GLG1: variants seen among roughly 807,000 people sequenced by gnomAD.
GLG1 encodes golgi glycoprotein 1.
In GLG1, 38 loss-of-function variants were observed where a neutral mutation model predicts 160.5. The ratio of observed to expected loss-of-function variants is 0.24; its 90% CI spans 0.18 to 0.31. The LOEUF is 0.31. Among genes scored for constraint, GLG1 ranks in the 10% least tolerant of loss-of-function variants. The pLI is 1.00. For missense variants in GLG1, 1,373 were observed against 1,505.2 expected, an observed-to-expected ratio of 0.91 and a Z score of 1.45; for synonymous variants, 644 against 543.4, an observed-to-expected ratio of 1.19 and a Z score of -2.57.
intron 10 of GLG1, among the ~76,000 whole-genome samples, chr16:74,481,508 G>A (rs1425764116): frequency 2.0e-5 from 3 of 152,046 alleles, no homozygotes; most frequent in East Asian, 3.8e-4. Context: ...AGGAGAAAAC[G>A]TGATTTTGAT....
chr16:74,473,133 A>G (rs909748437), intron 13 of GLG1, among the ~76,000 whole-genome samples: 20 of 152,202 alleles, frequency 1.3e-4, no homozygotes, highest in African/African-American at 3.4e-4. Flanking sequence ...GCCCCACAAA[A>G]TAACTTTAAC....
At chr16:74,459,472 CAAAGA>C (rs1193150828) in intron 23 of GLG1, among the ~76,000 whole-genome samples, 1 of 151,850 alleles carries the variant, frequency 6.6e-6, no homozygotes, top group Non-Finnish European at 1.5e-5. Context: ...GACTCCGTCT[CAAAGA>C]AAAGAAAAGA....
At chr16:74,519,726 C>A (rs2017099789) in intron 2 of GLG1, among the ~76,000 whole-genome samples, 1 of 152,112 alleles carries the variant, frequency 6.6e-6, no homozygotes. Context: ...CACCCACTCC[C>A]CAGAAGCGGG....
At chr16:74,470,119 T>C (rs1437395580) in intron 15 of GLG1, 46 bp from the exon 16 acceptor site, 1 of 1,125,626 alleles carries the variant, frequency 8.9e-7, no homozygotes, top group East Asian at 2.3e-5. Flanking sequence ...TGGCAACTTG[T>C]GGTCAGTAGT....
intron 1 of GLG1, among the ~76,000 whole-genome samples, chr16:74,541,783 T>G (rs2017873947): frequency 6.6e-6 from 1 of 152,212 alleles, no homozygotes; most frequent in Non-Finnish European, 1.5e-5. Context: ...CATGTTTTAT[T>G]GTATGTGTAT....
rs745898250 is a variant in GLG1, at chr16:74,574,916, C to CAGAG, written c.438+31737_438+31740dup. ...AAAAAAAAAAAAAAAAAAAAAAAGA[C>CAGAG]AGAGAGAGAGAGAGACAGGAGGAAT... On this transcript the variant is annotated intron_variant, in intron 1 of 25. Transcript: ENST00000422840. Among the ~76,000 whole-genome samples, 40 of 49,160 alleles carry CAGAG rather than the reference C, an allele frequency of 8.1e-4. 1 individual carries two copies. In the South Asian group the frequency reaches 0.014, roughly 17 times the overall value. 32.3% of individuals were successfully genotyped at this position (49,160 alleles called of 152,430 possible). A position where few individuals can be genotyped will look rare whatever the true frequency, so the allele number is the denominator to read the frequency against.
At chr16:74,557,233 A>G (rs552486617) in intron 1 of GLG1, among the ~76,000 whole-genome samples, 78 of 152,336 alleles carry the variant, frequency 5.1e-4, no homozygotes, top group African/African-American at 1.8e-3. Context: ...AAATGTTTCT[A>G]TAACTATATA....
At chr16:74,524,213 C>CA (rs199523934) in intron 2 of GLG1, among the ~76,000 whole-genome samples, 2,041 of 149,888 alleles carry the variant, frequency 0.014, 30 homozygotes, top group African/African-American at 0.047. Context: ...CATCTCAAAA[C>CA]AAAAAAAAAG....
intron 4 of GLG1, among the ~76,000 whole-genome samples, 199 bp downstream of exon 4, chr16:74,503,332 T>C (rs1395374893): frequency 2.6e-5 from 4 of 152,160 alleles, no homozygotes; most frequent in African/African-American, 9.7e-5. Flanking sequence ...CTGCTTCCCA[T>C]ACAGTACTGA....
chr16:74,584,557 A>G (rs1463182946), intron 1 of GLG1, among the ~76,000 whole-genome samples: 1 of 152,150 alleles, frequency 6.6e-6, no homozygotes, highest in Non-Finnish European at 1.5e-5. Context: ...AGGCAAAGGC[A>G]TAAGAATGAT....
chr16:74,596,493 C>T (rs1055077877), intron 1 of GLG1, among the ~76,000 whole-genome samples: 1 of 152,142 alleles, frequency 6.6e-6, no homozygotes, highest in Admixed American at 6.5e-5. Context: ...CGTGCCATTG[C>T]ACTCCAGCCT....
rs2014625695 is a variant in GLG1 at position 74,457,945 on chromosome 16, G to A, written c.3194C>T (p.Pro1065Leu). 2.5e-6 allele frequency: 4 copies of A among 1,613,428 alleles called. No homozygotes were observed. Among genetic ancestry groups the A allele is most frequent in the Non-Finnish European group, 2.5e-6 (3 of 1,179,396 alleles). ...CAGGGCACAAGCAGTATGAAGTACCGGGTCAACAAAGATGTCTGCTTTGCT... is the reference window on the plus strand; with the variant it reads ...CAGGGCACAAGCAGTATGAAGTACCAGGTCAACAAAGATGTCTGCTTTGCT... ...KESKADIFVD[P>L]VLHTACALDI... Residue 1065 changes from proline (P) to leucine (L), a missense_variant, in exon 24 of 26, where the codon CCG becomes CTG. Physicochemically the swap from Pro to Leu is moderately conservative, Grantham distance 98. This residue lies in a region of GLG1 where 491 missense variants were observed against 632.1 expected (regional missense o/e 0.78). Coordinates refer to ENST00000422840, the MANE Select transcript of GLG1 (RefSeq NM_001145667.2).
In GLG1 at chr16:74,457,978, A is replaced by G; in HGVS notation, c.3161T>C (p.Leu1054Pro). ...AAAGATGTCTGCTTTGCTTTCCTTCAGCATGTTTAGCACTTCCTGGAAAGG... is the reference window on the plus strand; with the variant it reads ...AAAGATGTCTGCTTTGCTTTCCTTCGGCATGTTTAGCACTTCCTGGAAAGG... ...ELCKKEVLNMLKESKADIFVD... is the reference protein window; with the variant it reads ...ELCKKEVLNMPKESKADIFVD... Residue 1054 changes from leucine (L) to proline (P), a missense_variant, in exon 24 of 26, where the codon CTG becomes CCG. By Grantham distance (98) the Leu-to-Pro change is moderately conservative. Coordinates refer to ENST00000422840, the MANE Select transcript of GLG1 (RefSeq NM_001145667.2). The G allele has an allele frequency of 6.2e-7, 1 of 1,613,934 alleles. No homozygotes were observed. Among genetic ancestry groups the G allele is most frequent in the Non-Finnish European group, 8.5e-7 (1 of 1,179,824 alleles).
At chr16:74,550,619 T>C (rs1424604948) in intron 1 of GLG1, among the ~76,000 whole-genome samples, 4 of 152,222 alleles carry the variant, frequency 2.6e-5, no homozygotes, top group Non-Finnish European at 5.9e-5. Flanking sequence ...AATTGTAAGA[T>C]GTTTTTATAC....
At chr16:74,540,433 T>C (rs967710447) in intron 1 of GLG1, among the ~76,000 whole-genome samples, 1 of 151,926 alleles carries the variant, frequency 6.6e-6, no homozygotes, top group Non-Finnish European at 1.5e-5. Flanking sequence ...GCTCATAAAC[T>C]ATAGGAGATA....
At chr16:74,605,463 G>A (rs370230405) in intron 1 of GLG1, among the ~76,000 whole-genome samples, 1 of 152,128 alleles carries the variant, frequency 6.6e-6, no homozygotes, top group East Asian at 1.9e-4. Flanking sequence ...ATTCCAAAAA[G>A]TTCGACAGAG....
chr16:74,517,776 G>A (rs939184776), intron 2 of GLG1, among the ~76,000 whole-genome samples: 3 of 152,162 alleles, frequency 2.0e-5, no homozygotes, highest in African/African-American at 7.2e-5. Flanking sequence ...CTTTGTAGAT[G>A]ACATGACTGT....
At chr16:74,492,877 A>C in intron 7 of GLG1, 80 bp downstream of exon 7, 1 of 740,408 alleles carries the variant, frequency 1.4e-6, no homozygotes, top group East Asian at 3.3e-5. Flanking sequence ...GAGGAAACTA[A>C]CGTTTATATA....
At chr16:74,516,535 C>T (rs1379579997) in intron 2 of GLG1, among the ~76,000 whole-genome samples, 2 of 152,206 alleles carry the variant, frequency 1.3e-5, no homozygotes, top group Non-Finnish European at 2.9e-5. Flanking sequence ...ACACCAGAAT[C>T]TCTGGGACAC....
Sources: allele counts gnomAD v4.1 joint callset (sites outside exome capture counted in the v4.1 genomes callset), GRCh38; gene constraint gnomAD v4.1.1; regional missense constraint gnomAD v4.1.1; transcripts MANE v1.5; gene names NCBI Gene and HGNC (gene_info 2026-07-23, HGNC 2026-07-21).